DNAH12: variants seen among roughly 807,000 people sequenced by gnomAD.
DNAH12 encodes dynein axonemal heavy chain 12.
Under a neutral mutation model 371.5 loss-of-function variants are expected in DNAH12, and 285 were observed. The ratio of observed to expected loss-of-function variants is 0.77; its 90% CI spans 0.70 to 0.85. The LOEUF (loss-of-function observed/expected upper bound fraction) is 0.85. Among genes scored for constraint, DNAH12 ranks in the 40% least tolerant of loss-of-function variants. DNAH12 has a pLI of 0.00. For synonymous variants in DNAH12, 1,200 were observed against 1,213.0 expected (o/e 0.99, Z 0.22); for missense variants, 3,611 against 3,689.4 (o/e 0.98, Z 0.55).
chr3:57,555,541 T>TA, the DNAH12 span, among the ~76,000 whole-genome samples: 1 of 152,132 alleles, frequency 6.6e-6, no homozygotes, highest in Non-Finnish European at 1.5e-5. Context: ...CTGTCTCTAA[T>TA]AAAAAATAAC....
intron 2 of DNAH12, among the ~76,000 whole-genome samples, chr3:57,525,295 C>T (rs1263192713): frequency 6.6e-6 from 1 of 152,068 alleles, no homozygotes; most frequent in Non-Finnish European, 1.5e-5. Context: ...AAATAGTATC[C>T]ATGAAGATGT....
chr3:57,477,766 C>G (rs1195323879), intron 13 of DNAH12, among the ~76,000 whole-genome samples: 1 of 152,174 alleles, frequency 6.6e-6, no homozygotes, highest in Non-Finnish European at 1.5e-5. Context: ...TGCTGTTCAC[C>G]AATATCCGCT....
At chr3:57,412,924 T>C (rs957654161) in intron 39 of DNAH12, among the ~76,000 whole-genome samples, 3 of 152,230 alleles carry the variant, frequency 2.0e-5, no homozygotes, top group Non-Finnish European at 2.9e-5. Context: ...TGTTCAGCAA[T>C]TGTGTTCCTT....
At chr3:57,481,925 A>C (rs1185524960) in intron 13 of DNAH12, among the ~76,000 whole-genome samples, 1 of 152,182 alleles carries the variant, frequency 6.6e-6, no homozygotes, top group Non-Finnish European at 1.5e-5. Context: ...CTAATTCAAG[A>C]TGGATTAAAG....
chr3:57,351,263 T>C (rs956415221), intron 60 of DNAH12, among the ~76,000 whole-genome samples: 31 of 149,058 alleles, frequency 2.1e-4, no homozygotes, highest in African/African-American at 7.5e-4. Flanking sequence ...AGTGAGACTG[T>C]CTCAAAACAA....
intron 12 of DNAH12, among the ~76,000 whole-genome samples, chr3:57,487,854 A>T (rs1177447363): frequency 6.8e-6 from 1 of 146,016 alleles, no homozygotes; most frequent in Non-Finnish European, 1.5e-5. Context: ...TATGTTAAAC[A>T]TAAACTTATA....
intron 25 of DNAH12, among the ~76,000 whole-genome samples, chr3:57,448,535 G>A (rs1184945416): frequency 8.6e-6 from 1 of 116,384 alleles, no homozygotes; most frequent in African/African-American, 2.6e-5. Context: ...CAGCTCAGTG[G>A]ACCCAGAGTG....
intron 43 of DNAH12, among the ~76,000 whole-genome samples, chr3:57,396,753 GGA>G (rs2063750618): frequency 6.6e-6 from 1 of 152,212 alleles, no homozygotes; most frequent in African/African-American, 2.4e-5. Context: ...TGTATTTTTA[GGA>G]GAGACAGAGT....
intron 60 of DNAH12, among the ~76,000 whole-genome samples, chr3:57,339,812 G>A (rs2062348987): frequency 1.3e-5 from 2 of 152,144 alleles, no homozygotes; most frequent in Admixed American, 1.3e-4. Context: ...CCTCACCCCT[G>A]TAATCCTAGC....
the DNAH12 span, among the ~76,000 whole-genome samples, chr3:57,549,388 G>C: frequency 6.6e-6 from 1 of 151,008 alleles, no homozygotes; most frequent in Non-Finnish European, 1.5e-5. Context: ...ATGGTGGTGC[G>C]CGCCTGTAGT....
intron 13 of DNAH12, among the ~76,000 whole-genome samples, chr3:57,473,307 C>T (rs1243946665): frequency 6.6e-6 from 1 of 151,844 alleles, no homozygotes; most frequent in Non-Finnish European, 1.5e-5. Flanking sequence ...GCCAACGTGA[C>T]GAACCCCCAT....
intron 65 of DNAH12, among the ~76,000 whole-genome samples, chr3:57,319,606 G>A (rs576622108): frequency 7.2e-5 from 11 of 152,232 alleles, no homozygotes; most frequent in African/African-American, 2.6e-4. Flanking sequence ...CTGAGATGGA[G>A]TCTTGCTCTG....
chr3:57,303,995 T>C (rs768266742), intron 69 of DNAH12, among the ~76,000 whole-genome samples: 7 of 152,120 alleles, frequency 4.6e-5, no homozygotes, highest in Non-Finnish European at 5.9e-5. Flanking sequence ...GACATTACCT[T>C]GTGAAATTCC....
At chr3:57,307,228 G>T (rs1391134560) in intron 69 of DNAH12, among the ~76,000 whole-genome samples, 1 of 138,858 alleles carries the variant, frequency 7.2e-6, no homozygotes, top group East Asian at 1.9e-4. Flanking sequence ...GGTTAGATAC[G>T]ACTTTAGATA....
At chr3:57,502,218 T>C in intron 10 of DNAH12, 105 bp downstream of exon 10, 1 of 1,458,060 alleles carries the variant, frequency 6.9e-7, no homozygotes, top group Non-Finnish European at 9.4e-7. Context: ...CACTTCTGGC[T>C]CTCCCTGTTC....
intron 57 of DNAH12, among the ~76,000 whole-genome samples, chr3:57,365,548 C>G (rs1300503576): frequency 1.3e-5 from 2 of 152,244 alleles, no homozygotes; most frequent in African/African-American, 4.8e-5. Context: ...CGCAGCAAAT[C>G]ACCATGGCAC....
In DNAH12 at chr3:57,323,162, T is replaced by C; in HGVS notation, c.10228A>G (p.Lys3410Glu). 4 of 1,552,428 alleles carry C rather than the reference T, an allele frequency of 2.6e-6. No individual in the cohort carries two copies. Among genetic ancestry groups the C allele is most frequent in the Non-Finnish European group, 3.5e-6 (4 of 1,147,150 alleles). The change falls in exon 64 of 74, where the codon AAA becomes GAA. Residue 3410 changes from lysine (K) to glutamate (E), a missense_variant. This residue lies in a region of DNAH12 where 2,266 missense variants were observed against 2,236.9 expected (regional missense o/e 1.01). Transcript: ENST00000495027. Reference sequence around the variant, plus strand: ...CAAGTTCCTTCTTCAATTGCTGCTTTAATCATTTTTGCTGCAATCGGTCCT... The same window carrying C: ...CAAGTTCCTTCTTCAATTGCTGCTTCAATCATTTTTGCTGCAATCGGTCCT... ...GQGPIAAKMI[K>E]AAIEEGTWVC...
intron 70 of DNAH12, among the ~76,000 whole-genome samples, chr3:57,299,871 A>G (rs113295377): frequency 6.6e-6 from 1 of 152,186 alleles, no homozygotes; most frequent in Non-Finnish European, 1.5e-5. Flanking sequence ...ACTGACTAAA[A>G]AGGAGATCGA....
At chr3:57,472,804 A>G (rs780146694) in intron 13 of DNAH12, 133 bp from the exon 14 acceptor site, 12 of 934,050 alleles carry the variant, frequency 1.3e-5, no homozygotes, top group East Asian at 2.7e-5. Flanking sequence ...GATATTTTAT[A>G]TATCACCCAA....
Sources: gnomAD v4.1 joint callset for allele counts (sites outside exome capture counted in the v4.1 genomes callset) on GRCh38, gnomAD v4.1.1 for gene constraint, gnomAD v4.1.1 regional missense constraint, MANE v1.5 for transcripts, NCBI Gene and HGNC (gene_info 2026-07-23, HGNC 2026-07-21) for gene names.